The following PAK5 variants were observed in gnomAD, a reference collection of about 807,000 sequenced individuals.
PAK5 encodes serine/threonine-protein kinase PAK 5.
Under a neutral mutation model 65.9 loss-of-function variants are expected in PAK5, and 16 were observed. The ratio of observed to expected loss-of-function variants is 0.24; its 90% CI spans 0.16 to 0.37. The LOEUF (loss-of-function observed/expected upper bound fraction) is 0.37. PAK5 is among the 10% of genes least tolerant of loss of function. The probability of loss-of-function intolerance (pLI) is 1.00; values close to 1 mark genes in which losing one functional copy is unlikely to be tolerated. For synonymous variants in PAK5, 371 were observed against 354.9 expected (o/e 1.05, Z -0.51); for missense variants, 785 against 903.9 (o/e 0.87, Z 1.69).
chr20:9,785,657 GA>G (rs1431766015), intron 1 of PAK5, among the ~76,000 whole-genome samples: 6 of 152,108 alleles, frequency 3.9e-5, no homozygotes, highest in East Asian at 1.9e-4. Flanking sequence ...TCTTAGAGGG[GA>G]AAAAAATGTC....
intron 1 of PAK5, among the ~76,000 whole-genome samples, chr20:9,792,685 C>A (rs998598968): frequency 6.6e-6 from 1 of 152,270 alleles, no homozygotes; most frequent in Middle Eastern, 3.4e-3. Context: ...GAATAGAAAG[C>A]TGGAGAATAT....
chr20:9,694,016 A>T (rs1280019961), intron 2 of PAK5, among the ~76,000 whole-genome samples: 2 of 151,964 alleles, frequency 1.3e-5, no homozygotes, highest in African/African-American at 4.8e-5. Flanking sequence ...TTTTCAGGAC[A>T]AGTTGAATCA....
intron 1 of PAK5, among the ~76,000 whole-genome samples, chr20:9,802,358 G>A (rs562011417): frequency 2.3e-4 from 35 of 152,170 alleles, no homozygotes; most frequent in African/African-American, 5.8e-4. Flanking sequence ...AGACAGTGAC[G>A]GCAAGATGAT....
At chr20:9,785,258 C>A (rs1244331327) in intron 1 of PAK5, among the ~76,000 whole-genome samples, 1 of 152,134 alleles carries the variant, frequency 6.6e-6, no homozygotes, top group Non-Finnish European at 1.5e-5. Context: ...CCAAAGGTGG[C>A]AAATTAGTAT....
At chr20:9,721,165 G>C (rs2048208346) in intron 1 of PAK5, among the ~76,000 whole-genome samples, 1 of 152,040 alleles carries the variant, frequency 6.6e-6, no homozygotes, top group Non-Finnish European at 1.5e-5. Context: ...TGGTCTTCTG[G>C]AGACTGCCAA....
intron 2 of PAK5, among the ~76,000 whole-genome samples, chr20:9,667,429 T>C (rs1232763102): frequency 3.9e-5 from 4 of 101,378 alleles, no homozygotes; most frequent in African/African-American, 1.8e-4. Context: ...TCTTGGAGTA[T>C]TGAGTTCAAC....
At position 9,749,920 on chromosome 20, in the gene PAK5, G is replaced by C. The variant is rs1211179108; in HGVS notation, c.-161-38485C>G. On this transcript the variant is annotated intron_variant, in intron 1 of 9. Coordinates refer to ENST00000353224, the MANE Select transcript of PAK5 (RefSeq NM_177990.4). ...GTTTGCAGATGGCACACGTCCTCAG[G>C]CCAGATTTTGAGCGTCACTGCCTTA... Among the ~76,000 whole-genome samples the C allele has an allele frequency of 2.6e-5, 4 of 152,088 alleles. No individual in the cohort carries two copies. In the South Asian group the frequency reaches 8.3e-4, roughly 32 times the overall value.
At chr20:9,684,277 C>A (rs1331036111) in intron 2 of PAK5, among the ~76,000 whole-genome samples, 2 of 152,098 alleles carry the variant, frequency 1.3e-5, no homozygotes, top group Non-Finnish European at 2.9e-5. Context: ...GTTATGTGAC[C>A]CTGGAAAACT....
Position 9,539,225 on chromosome 20 carries a change from A to G in PAK5, c.*237T>C. ...TTTGCTGGATGAAGGGCTGAAAAAT[A>G]TAATAATGACTTATTAAAGCCGTGC... On this transcript the variant is annotated 3_prime_UTR_variant, in exon 10 of 10. Coordinates refer to ENST00000353224, the MANE Select transcript of PAK5 (RefSeq NM_177990.4). The G allele has an allele frequency of 4.7e-6, 2 of 425,838 alleles. No individual in the cohort carries two copies. The highest frequency in any genetic ancestry group is 8.6e-6 in the Non-Finnish European group (2 of 233,246). 26.4% of individuals were successfully genotyped at this position (425,838 alleles called of 1,614,324 possible). A position where few individuals can be genotyped will look rare whatever the true frequency, so the allele number is the denominator to read the frequency against.
chr20:9,542,476 C>T (rs765365978), intron 9 of PAK5, 110 bp downstream of exon 9: 4 of 1,088,446 alleles, frequency 3.7e-6, no homozygotes, highest in Non-Finnish European at 5.7e-6. Flanking sequence ...AGTCCATGCT[C>T]ATAAACCAGG....
chr20:9,774,768 C>G (rs750502635), intron 1 of PAK5, among the ~76,000 whole-genome samples: 10 of 151,834 alleles, frequency 6.6e-5, no homozygotes, highest in Non-Finnish European at 1.2e-4. Flanking sequence ...ATGGTGAAAC[C>G]CCGTCTCTAC....
rs2045615135 is a variant in PAK5, at chr20:9,562,987, A to G, written c.1520T>C (p.Val507Ala). 1.2e-6 allele frequency: 2 copies of G among 1,613,282 alleles called. No homozygotes were observed. Among genetic ancestry groups the G allele is most frequent in the Non-Finnish European group, 1.7e-6 (2 of 1,179,344 alleles). ...IMRDYHHDNV[V>A]DMYSSYLVGD... ...GACAAGGTAGCTGCTGTACATGTCA[A>G]CCACATTGTCATGGTGGTAATCCCG... is the stretch of plus-strand genomic sequence containing the variant. The change falls in exon 6 of 10, where the codon GTT (valine) becomes GCT (alanine). Residue 507 changes from valine to alanine, a missense_variant. By Grantham distance (64) the Val-to-Ala change is moderately conservative. Around this residue, in one of 4 missense-constraint regions of PAK5, gnomAD observed 182 missense variants for 273.0 expected, o/e 0.67. Transcript: ENST00000353224.
intron 2 of PAK5, among the ~76,000 whole-genome samples, chr20:9,666,133 TC>T (rs554014299): frequency 5.1e-4 from 78 of 152,246 alleles, no homozygotes; most frequent in Admixed American, 3.3e-3. Context: ...AAAGTAGAGT[TC>T]AGCACTATTT....
At chr20:9,584,197 C>G (rs377423614) in intron 3 of PAK5, among the ~76,000 whole-genome samples, 1 of 152,150 alleles carries the variant, frequency 6.6e-6, no homozygotes, top group African/African-American at 2.4e-5. Context: ...AGATGAGCAG[C>G]CTTGGCAGAG....
At chr20:9,674,564 C>T (rs757908695) in intron 2 of PAK5, among the ~76,000 whole-genome samples, 39 of 152,320 alleles carry the variant, frequency 2.6e-4, no homozygotes, top group Non-Finnish European at 4.4e-4. Flanking sequence ...TCATATGGAA[C>T]AGGCTGAGAT....
At chr20:9,823,268 C>G (rs12625470) in intron 1 of PAK5, among the ~76,000 whole-genome samples, 64,554 of 152,004 alleles carry the variant, frequency 0.42, 14,080 homozygotes, top group African/African-American at 0.5. Flanking sequence ...TCTTGGACTT[C>G]CAAGCCTCTA....
In PAK5 at chr20:9,583,147, T is replaced by C. The variant is rs188660288; in HGVS notation, c.205-2217A>G. Among the ~76,000 whole-genome samples, 73 of 152,336 alleles carry C rather than the reference T, an allele frequency of 4.8e-4. 1 individual carries two copies. Among genetic ancestry groups the C allele is most frequent in the African/African-American group, 1.6e-3 (67 of 41,572 alleles). On this transcript the variant is annotated intron_variant, in intron 3 of 9. Coordinates refer to ENST00000353224, the MANE Select transcript of PAK5 (RefSeq NM_177990.4). The stretch of plus-strand genomic sequence containing the variant: ...CAAACAGAGCTCCGAAATAATATGT[T>C]TGTAGACTAACTCATGAACACACTC...
chr20:9,577,889 G>T (rs537332552), intron 4 of PAK5, among the ~76,000 whole-genome samples: 1 of 152,260 alleles, frequency 6.6e-6, no homozygotes, highest in South Asian at 2.1e-4. Context: ...AATAGTTTGT[G>T]CATTGTTTCT....
chr20:9,597,180 G>A (rs1358225347), intron 3 of PAK5, among the ~76,000 whole-genome samples: 1 of 152,110 alleles, frequency 6.6e-6, no homozygotes, highest in African/African-American at 2.4e-5. Flanking sequence ...CCCTTGCTGG[G>A]GCTATGGTCC....
Sources: allele counts gnomAD v4.1 joint callset (sites outside exome capture counted in the v4.1 genomes callset), GRCh38; gene constraint gnomAD v4.1.1; regional missense constraint gnomAD v4.1.1; transcripts MANE v1.5; gene names NCBI Gene and HGNC (gene_info 2026-07-23, HGNC 2026-07-21).